HIPK2: variants seen among roughly 807,000 people sequenced by gnomAD.
HIPK2 encodes the protein homeodomain interacting protein kinase 2.
A neutral mutation model predicts 113.7 loss-of-function variants in HIPK2; 27 were observed. The ratio of observed to expected loss-of-function variants is 0.24; its 90% CI spans 0.17 to 0.33. The LOEUF is 0.33. Ranked by LOEUF, HIPK2 falls within the 10% of genes least tolerant of loss-of-function variation. The pLI is 1.00. For synonymous variants in HIPK2, 631 were observed against 642.2 expected (o/e 0.98, Z 0.26); for missense variants, 1,257 against 1,588.0 (o/e 0.79, Z 3.54).
At chr7:139,664,340 C>T (rs1801971693) in intron 2 of HIPK2, among the ~76,000 whole-genome samples, 1 of 152,084 alleles carries the variant, frequency 6.6e-6, no homozygotes. Flanking sequence ...GAGTTCGAGA[C>T]CAGCCTGACC....
At chr7:139,624,797 A>G (rs183179953) in intron 6 of HIPK2, among the ~76,000 whole-genome samples, 8 of 152,262 alleles carry the variant, frequency 5.3e-5, no homozygotes, top group African/African-American at 1.7e-4. Flanking sequence ...CCTGGCAAAA[A>G]TTCCACCTGG....
chr7:139,662,549 G>C (rs1246298412), intron 2 of HIPK2, among the ~76,000 whole-genome samples: 6 of 152,116 alleles, frequency 3.9e-5, no homozygotes, highest in Non-Finnish European at 8.8e-5. Context: ...ATATACCAGG[G>C]GTGTACAAGC....
intron 6 of HIPK2, among the ~76,000 whole-genome samples, chr7:139,622,181 C>T (rs545634840): frequency 1.3e-5 from 2 of 152,282 alleles, no homozygotes; most frequent in South Asian, 2.1e-4. Context: ...CTGACTGAGA[C>T]GCGACTTAGA....
At chr7:139,591,454 G>A (rs997544611) in intron 12 of HIPK2, among the ~76,000 whole-genome samples, 3 of 152,154 alleles carry the variant, frequency 2.0e-5, no homozygotes, top group African/African-American at 7.2e-5. Context: ...GCACCGCTCT[G>A]CCCTATGGTA....
Position 139,566,295 on chromosome 7 carries a change from T to A in HIPK2, c.*6632A>T, listed in dbSNP as rs577213773. On this transcript the variant is annotated 3_prime_UTR_variant, in exon 15 of 15. Coordinates refer to ENST00000406875, the MANE Select transcript of HIPK2 (RefSeq NM_022740.5). The surrounding 1 kb of genome is among the most constrained non-coding windows in gnomAD (Gnocchi z 4.1). ...AGTTCTGGAGCTGGGCAGACTCAGG[T>A]TCAAGCCCTCCTCGCCCCTCAAGAG... 1 of 152,236 alleles carries A rather than the reference T, an allele frequency of 6.6e-6. No homozygotes were observed. Among genetic ancestry groups the A allele is most frequent in the East Asian group, 1.9e-4 (1 of 5,166 alleles). 9.4% of individuals were successfully genotyped at this position (152,236 alleles called of 1,614,324 possible). A position where few individuals can be genotyped will look rare whatever the true frequency, so the allele number is the denominator to read the frequency against.
At chr7:139,745,238 C>T (rs1007752450) in intron 1 of HIPK2, among the ~76,000 whole-genome samples, 19 of 152,172 alleles carry the variant, frequency 1.2e-4, no homozygotes, top group Non-Finnish European at 4.4e-5. Flanking sequence ...TCTGCGGTTA[C>T]CCTGAAATTT....
chr7:139,678,970 A>C (rs561639715), intron 2 of HIPK2, among the ~76,000 whole-genome samples: 4 of 152,174 alleles, frequency 2.6e-5, no homozygotes, highest in Non-Finnish European at 5.9e-5. Flanking sequence ...TTTGTCTATT[A>C]TTGGTGTATA....
At chr7:139,635,104 T>C (rs1800763778) in intron 2 of HIPK2, among the ~76,000 whole-genome samples, 2 of 152,232 alleles carry the variant, frequency 1.3e-5, no homozygotes, top group South Asian at 4.1e-4. Context: ...CACGTGGATC[T>C]AGGCCTCTTC....
intron 1 of HIPK2, among the ~76,000 whole-genome samples, chr7:139,767,126 A>G (rs1384222455): frequency 6.6e-6 from 1 of 152,218 alleles, no homozygotes; most frequent in Non-Finnish European, 1.5e-5. Context: ...CTGATTCTAA[A>G]TATTTCTGAC....
At chr7:139,647,615 T>C (rs1221045529) in intron 2 of HIPK2, among the ~76,000 whole-genome samples, 5 of 152,164 alleles carry the variant, frequency 3.3e-5, no homozygotes, top group Admixed American at 6.5e-5. Context: ...TATCTAGATA[T>C]CTATATATAT....
At chr7:139,588,289 GC>G (rs1370832834) in intron 12 of HIPK2, among the ~76,000 whole-genome samples, 3 of 151,758 alleles carry the variant, frequency 2.0e-5, no homozygotes, top group Non-Finnish European at 4.4e-5. Context: ...CCACACTCTA[GC>G]CTGGGTGACA....
chr7:139,668,344 G>A (rs1387992892), intron 2 of HIPK2, among the ~76,000 whole-genome samples: 1 of 151,956 alleles, frequency 6.6e-6, no homozygotes, highest in African/African-American at 2.4e-5. Context: ...GGTGGATCAC[G>A]AGGTCAGGAG....
At chr7:139,689,403 T>C (rs1334137838) in intron 2 of HIPK2, among the ~76,000 whole-genome samples, 3 of 152,220 alleles carry the variant, frequency 2.0e-5, no homozygotes, top group Non-Finnish European at 4.4e-5. Flanking sequence ...TGTTATATGC[T>C]GTCTTATAAG....
At chr7:139,766,890 C>T (rs1796561524) in intron 1 of HIPK2, among the ~76,000 whole-genome samples, 1 of 152,182 alleles carries the variant, frequency 6.6e-6, no homozygotes, top group African/African-American at 2.4e-5. Context: ...ACTACACAGA[C>T]CAGCTGGCTC....
chr7:139,597,678 G>A (rs563252578), intron 11 of HIPK2, among the ~76,000 whole-genome samples: 30 of 152,304 alleles, frequency 2.0e-4, no homozygotes, highest in African/African-American at 7.2e-4. Flanking sequence ...AGGCGCATTA[G>A]TCTAAATTGT....
intron 1 of HIPK2, among the ~76,000 whole-genome samples, chr7:139,760,815 C>T (rs1796449542): frequency 6.6e-6 from 1 of 152,194 alleles, no homozygotes; most frequent in Non-Finnish European, 1.5e-5. Context: ...AATAACCACC[C>T]CCAATACCCT....
At chr7:139,647,453 C>G (rs952836321) in intron 2 of HIPK2, among the ~76,000 whole-genome samples, 1 of 152,142 alleles carries the variant, frequency 6.6e-6, no homozygotes, top group Admixed American at 6.5e-5. Context: ...TGTTTATTTA[C>G]TTTTAAGGAA....
intron 2 of HIPK2, among the ~76,000 whole-genome samples, chr7:139,670,244 T>C (rs1802214783): frequency 6.6e-6 from 1 of 152,152 alleles, no homozygotes; most frequent in African/African-American, 2.4e-5. Context: ...CTGATCTGCA[T>C]TCTGAATTGA....
intron 2 of HIPK2, among the ~76,000 whole-genome samples, chr7:139,661,485 CTCCTTTCTTCTCCATGCTGAAACATA>C (rs2116555295): frequency 6.6e-6 from 1 of 152,328 alleles, no homozygotes; most frequent in Admixed American, 6.5e-5. Context: ...TTGGGGTCTT[CTCCTTTCTTCTCCATGCTGAAACATA>C]TCCCCAGATC....
Sources: allele counts gnomAD v4.1 joint callset (sites outside exome capture counted in the v4.1 genomes callset), GRCh38; gene constraint gnomAD v4.1.1; non-coding constraint Gnocchi (gnomAD v3.1); transcripts MANE v1.5; gene names NCBI Gene and HGNC (gene_info 2026-07-23, HGNC 2026-07-21).